The following ITPRID1 variants were observed in gnomAD, a reference collection of about 807,000 sequenced individuals.
ITPRID1 encodes protein ITPRID1.
Under a neutral mutation model 95.4 loss-of-function variants are expected in ITPRID1, and 96 were observed. The observed-to-expected ratio is 1.01, with a 90% CI of 0.85 to 1.19. The LOEUF is 1.19. Among genes scored for constraint, ITPRID1 ranks in the 50% most tolerant of loss-of-function variants. The probability of loss-of-function intolerance (pLI) is 0.00; values close to 1 mark genes in which losing one functional copy is unlikely to be tolerated. For missense variants in ITPRID1, 1,339 were observed against 1,252.9 expected (o/e 1.07, Z -1.04); for synonymous variants, 510 against 453.6 (o/e 1.12, Z -1.58).
In ITPRID1 at chr7:31,545,081, G is replaced by GGGCT. The variant is rs534920522; in HGVS notation, c.-97-4344_-97-4341dup. ...TTGCATGTGAAGAGGCTACAGTAAG[G>GGGCT]GGCTACACAGGTTGCTGTGAGTGTC... On this transcript the variant is annotated intron_variant, in intron 1 of 14. Coordinates refer to ENST00000615280, the MANE Select transcript of ITPRID1 (RefSeq NM_001257967.3). 1.5e-3 allele frequency among the ~76,000 whole-genome samples: 224 copies of GGGCT among 152,222 alleles called. 1 individual carries two copies. Among genetic ancestry groups the GGGCT allele is most frequent in the Non-Finnish European group, 2.5e-3 (168 of 67,990 alleles).
rs1790994460 is a variant in ITPRID1, at chr7:31,651,940, G to C, written c.2713G>C (p.Glu905Gln). 1 of 1,588,418 alleles carries C rather than the reference G, an allele frequency of 6.3e-7. No individual in the cohort carries two copies. The highest frequency in any genetic ancestry group is 8.6e-7 in the Non-Finnish European group (1 of 1,166,810). ...TTATTTTCTATTATTTACTTGCAGG[G>C]AGGAGGCCGAGCAACTGCAAACGTT... ...FSRDMSEEEREEAEQLQTLRE... is the reference protein window; with the variant it reads ...FSRDMSEEERQEAEQLQTLRE... Residue 905 changes from glutamate (E) to glutamine (Q), a missense_variant and splice_region_variant, in exon 14 of 15, where the codon GAG becomes CAG. Coordinates refer to ENST00000615280, the MANE Select transcript of ITPRID1 (RefSeq NM_001257967.3).
intron 10 of ITPRID1, among the ~76,000 whole-genome samples, chr7:31,613,681 T>C (rs1032242324): frequency 6.6e-6 from 1 of 152,168 alleles, no homozygotes; most frequent in African/African-American, 2.4e-5. Context: ...TGATCAGCAG[T>C]TTGTTTTGTT....
intron 5 of ITPRID1, among the ~76,000 whole-genome samples, chr7:31,568,138 C>G (rs905778669): frequency 1.3e-4 from 19 of 146,770 alleles, no homozygotes; most frequent in African/African-American, 4.8e-4. Flanking sequence ...AAAAAAAAAT[C>G]ACTATTTACT....
chr7:31,556,187 G>A (rs1387477948), intron 5 of ITPRID1, among the ~76,000 whole-genome samples: 1 of 152,098 alleles, frequency 6.6e-6, no homozygotes, highest in African/African-American at 2.4e-5. Flanking sequence ...GAACTGGAAA[G>A]GCACAGACAT....
Position 31,619,121 on chromosome 7 carries a change from C to G in ITPRID1, c.1229-23055C>G, listed in dbSNP as rs996162703. Among the ~76,000 whole-genome samples the G allele has an allele frequency of 2.0e-5, 3 of 152,278 alleles. No individual in the cohort carries two copies. In the East Asian group the frequency reaches 5.8e-4, roughly 29 times the overall value. On this transcript the variant is annotated intron_variant, in intron 10 of 14. Coordinates refer to ENST00000615280, the MANE Select transcript of ITPRID1 (RefSeq NM_001257967.3). ...ACCTTTAATCTGTGTATATTAGTCA[C>G]AACATTTCATTAGTCTTTCAAAAGC...
chr7:31,622,189 A>C (rs1274713293), intron 10 of ITPRID1, among the ~76,000 whole-genome samples: 10 of 135,236 alleles, frequency 7.4e-5, no homozygotes, highest in African/African-American at 2.5e-4. Context: ...AACATTAGAC[A>C]GATCAACGAG....
At chr7:31,619,787 G>A (rs1299782444) in intron 10 of ITPRID1, among the ~76,000 whole-genome samples, 1 of 152,170 alleles carries the variant, frequency 6.6e-6, no homozygotes. Flanking sequence ...CCATGCACAA[G>A]CTGAAGCAGC....
At chr7:31,529,847 T>G (rs1432603357) in intron 1 of ITPRID1, 2 of 1,525,894 alleles carry the variant, frequency 1.3e-6, no homozygotes, top group Non-Finnish European at 1.8e-6. Context: ...TATAATTTGT[T>G]TTTTTTCTTT....
intron 1 of ITPRID1, among the ~76,000 whole-genome samples, chr7:31,539,326 A>G (rs1783858261): frequency 6.6e-6 from 1 of 152,144 alleles, no homozygotes; most frequent in South Asian, 2.1e-4. Flanking sequence ...CTGGGACTAC[A>G]GGCATGCACC....
At chr7:31,634,692 G>GA (rs1166204381) in intron 10 of ITPRID1, among the ~76,000 whole-genome samples, 2 of 152,090 alleles carry the variant, frequency 1.3e-5, no homozygotes, top group Middle Eastern at 3.2e-3. Context: ...AAGGAGGCAT[G>GA]AAAAAAATTG....
At chr7:31,638,690 G>C (rs914548309) in intron 10 of ITPRID1, among the ~76,000 whole-genome samples, 1 of 151,994 alleles carries the variant, frequency 6.6e-6, no homozygotes, top group Non-Finnish European at 1.5e-5. Flanking sequence ...TTGTTAACTC[G>C]ATATGTAATG....
At chr7:31,562,826 C>T (rs1784671132) in intron 5 of ITPRID1, among the ~76,000 whole-genome samples, 1 of 152,030 alleles carries the variant, frequency 6.6e-6, no homozygotes, top group Non-Finnish European at 1.5e-5. Context: ...TCTTTCTGTT[C>T]TGTTCTCCTC....
intron 5 of ITPRID1, among the ~76,000 whole-genome samples, chr7:31,568,439 G>A (rs1784873089): frequency 6.6e-6 from 1 of 152,012 alleles, no homozygotes; most frequent in South Asian, 2.1e-4. Context: ...TCTTTCTTAT[G>A]GTAAAAATCT....
chr7:31,544,287 T>C (rs1784025537), intron 1 of ITPRID1, among the ~76,000 whole-genome samples: 1 of 152,112 alleles, frequency 6.6e-6, no homozygotes, highest in Admixed American at 6.6e-5. Flanking sequence ...ATAGAAAAGG[T>C]ACATGGAAGG....
At chr7:31,637,605 T>TGGAC (rs1789616679) in intron 10 of ITPRID1, among the ~76,000 whole-genome samples, 1 of 152,228 alleles carries the variant, frequency 6.6e-6, no homozygotes, top group Non-Finnish European at 1.5e-5. Context: ...CTCGTAAATT[T>TGGAC]GTTTGAGTTC....
At chr7:31,650,251 C>A (rs1031473508) in intron 12 of ITPRID1, among the ~76,000 whole-genome samples, 1 of 152,128 alleles carries the variant, frequency 6.6e-6, no homozygotes, top group Non-Finnish European at 1.5e-5. Context: ...TTGGCGAAAG[C>A]AAACAGTAAA....
intron 5 of ITPRID1, among the ~76,000 whole-genome samples, chr7:31,564,944 C>G (rs1421433015): frequency 6.6e-6 from 1 of 152,156 alleles, no homozygotes; most frequent in Non-Finnish European, 1.5e-5. Context: ...CTTCTCCATT[C>G]AAGTTCATTA....
At chr7:31,574,114 C>G (rs1785089934) in intron 7 of ITPRID1, among the ~76,000 whole-genome samples, 1 of 151,780 alleles carries the variant, frequency 6.6e-6, no homozygotes, top group African/African-American at 2.4e-5. Flanking sequence ...ATGCTGCAGA[C>G]TGGTGCTCTA....
At chr7:31,595,499 G>A (rs1185523493) in intron 10 of ITPRID1, among the ~76,000 whole-genome samples, 2 of 152,086 alleles carry the variant, frequency 1.3e-5, no homozygotes, top group Non-Finnish European at 2.9e-5. Context: ...GTACTTGGGG[G>A]CTGGGTCCTC....
Sources: allele counts gnomAD v4.1 joint callset (sites outside exome capture counted in the v4.1 genomes callset), GRCh38; gene constraint gnomAD v4.1.1; transcripts MANE v1.5; gene names NCBI Gene and HGNC (gene_info 2026-07-23, HGNC 2026-07-21).